Variants in DCC observed in about 807,000 individuals in gnomAD.
DCC encodes the protein DCC netrin 1 receptor.
Under a neutral mutation model 172.5 loss-of-function variants are expected in DCC, and 58 were observed. The observed-to-expected ratio is 0.34, with a 90% CI of 0.27 to 0.42. The LOEUF (loss-of-function observed/expected upper bound fraction) is 0.42. Ranked by LOEUF, DCC falls within the 10% of genes least tolerant of loss-of-function variation. The pLI, the probability that DCC is intolerant of heterozygous loss-of-function variation, is 1.00. For missense variants in DCC, 1,740 were observed against 1,791.0 expected (o/e 0.97, Z 0.51); for synonymous variants, 709 against 644.5 (o/e 1.10, Z -1.52).
rs560683902 is a variant in DCC at position 53,534,925 on chromosome 18, A to G, written c.*4272A>G. 9.2e-5 allele frequency: 14 copies of G among 152,254 alleles called. No homozygotes were observed. The East Asian group carries it at 2.3e-3, about 25-fold the overall frequency. 9.4% of individuals were successfully genotyped at this position (152,254 alleles called of 1,614,324 possible). On this transcript the variant is annotated 3_prime_UTR_variant, in exon 29 of 29. Transcript: ENST00000442544. ...CTTTTTTCTCTTACTCTCAATAGAG[A>G]GCCTTTGTACATTGTCATCCTATGA...
intron 7 of DCC, among the ~76,000 whole-genome samples, chr18:53,156,266 C>T (rs1157774043): frequency 1.3e-5 from 2 of 152,106 alleles, no homozygotes; most frequent in South Asian, 4.1e-4. Context: ...GGGTGGATCA[C>T]TTGAGGTCAG....
intron 3 of DCC, among the ~76,000 whole-genome samples, chr18:52,907,337 T>TATAC (rs2039902210): frequency 6.6e-6 from 1 of 150,380 alleles, no homozygotes. Context: ...CATATGGATA[T>TATAC]ATACATATAT....
At chr18:52,530,828 C>T (rs1011261754) in intron 1 of DCC, among the ~76,000 whole-genome samples, 2 of 152,134 alleles carry the variant, frequency 1.3e-5, no homozygotes, top group Non-Finnish European at 2.9e-5. Context: ...ATGAAAAATA[C>T]TGAGAGGCAA....
At chr18:52,715,090 A>G (rs1301220071) in intron 1 of DCC, among the ~76,000 whole-genome samples, 2 of 152,144 alleles carry the variant, frequency 1.3e-5, no homozygotes, top group African/African-American at 4.8e-5. Context: ...AAAAGCAATT[A>G]CAGAAAGTCC....
chr18:52,822,840 T>C (rs2038431616), intron 2 of DCC, among the ~76,000 whole-genome samples: 1 of 152,226 alleles, frequency 6.6e-6, no homozygotes, highest in Admixed American at 6.5e-5. Flanking sequence ...AATTATGACA[T>C]ATTTTTATAG....
At chr18:53,516,577 C>A (rs1466656783) in intron 27 of DCC, among the ~76,000 whole-genome samples, 2 of 151,406 alleles carry the variant, frequency 1.3e-5, no homozygotes, top group East Asian at 3.9e-4. Context: ...TATCCAGAAT[C>A]TACAATGAAT....
rs191206287 is a variant in DCC at position 53,442,617 on chromosome 18, C to T, written c.3229+7408C>T. Among the ~76,000 whole-genome samples, 361 of 152,254 alleles carry T rather than the reference C, an allele frequency of 2.4e-3. 5 individuals are homozygous for T. The highest frequency in any genetic ancestry group is 6.6e-4 in the Non-Finnish European group (45 of 68,012). On this transcript the variant is annotated intron_variant, in intron 22 of 28. Coordinates refer to ENST00000442544, the MANE Select transcript of DCC (RefSeq NM_005215.4). ...GGGTGGAAGGAAGAGTCACATGTCTCTCACTTTAAAATTCAAAAGCTGGAA... is the reference window on the plus strand; with the variant it reads ...GGGTGGAAGGAAGAGTCACATGTCTTTCACTTTAAAATTCAAAAGCTGGAA...
At chr18:52,891,075 T>A in intron 2 of DCC, among the ~76,000 whole-genome samples, 1 of 152,168 alleles carries the variant, frequency 6.6e-6, no homozygotes, top group South Asian at 2.1e-4. Context: ...ACAAGATAGC[T>A]TAGTTATAAG....
intron 1 of DCC, among the ~76,000 whole-genome samples, chr18:52,675,908 C>G (rs1002476765): frequency 3.3e-5 from 5 of 152,158 alleles, no homozygotes; most frequent in Non-Finnish European, 2.9e-5. Context: ...GGCCTGCCTC[C>G]CATTTCCAGC....
rs116094440 is a variant in DCC, at chr18:52,435,807, A to G, written c.91+94929A>G. 4.0e-3 allele frequency among the ~76,000 whole-genome samples: 603 copies of G among 152,238 alleles called. 5 individuals are homozygous for G. Among genetic ancestry groups the G allele is most frequent in the African/African-American group, 0.014 (576 of 41,558 alleles). On this transcript the variant is annotated intron_variant, in intron 1 of 28. Coordinates refer to ENST00000442544, the MANE Select transcript of DCC (RefSeq NM_005215.4). ...CTCCATTATAGACTCTCAGTTGATC[A>G]CTGTTCTTCTGCTTCTTCCCTGCAT...
At chr18:52,864,323 T>A (rs112937500) in intron 2 of DCC, among the ~76,000 whole-genome samples, 1 of 152,138 alleles carries the variant, frequency 6.6e-6, no homozygotes, top group African/African-American at 2.4e-5. Flanking sequence ...TAGAGGAAGA[T>A]TAAAAATGGA....
chr18:53,453,616 T>C (rs1295083899), intron 23 of DCC, among the ~76,000 whole-genome samples: 1 of 152,178 alleles, frequency 6.6e-6, no homozygotes, highest in Non-Finnish European at 1.5e-5. Context: ...AATTAGGCTA[T>C]CCAGTTGATT....
At chr18:52,816,807 A>G (rs1038644344) in intron 2 of DCC, 2 of 152,188 alleles carry the variant, frequency 1.3e-5, no homozygotes, top group Admixed American at 6.5e-5. Context: ...TTATTTTTAT[A>G]TGAGAGCCCT....
At chr18:52,437,106 G>A (rs1385547691) in intron 1 of DCC, among the ~76,000 whole-genome samples, 1 of 151,948 alleles carries the variant, frequency 6.6e-6, no homozygotes, top group Non-Finnish European at 1.5e-5. Context: ...TACTGTATAG[G>A]TATTCACAAT....
chr18:53,066,391 A>G (rs1292368638), intron 7 of DCC, among the ~76,000 whole-genome samples: 1 of 100,874 alleles, frequency 9.9e-6, no homozygotes, highest in Non-Finnish European at 2.1e-5. Flanking sequence ...ATATATATAT[A>G]TATATATGTG....
In DCC at chr18:52,536,261, G is replaced by A. The variant is rs2144693153; in HGVS notation, c.91+195383G>A. Among the ~76,000 whole-genome samples, 2 of 152,198 alleles carry A rather than the reference G, an allele frequency of 1.3e-5. 1 individual carries two copies. The highest frequency in any genetic ancestry group is 4.1e-4 in the South Asian group (2 of 4,824). On this transcript the variant is annotated intron_variant, in intron 1 of 28. Transcript: ENST00000442544. ...GGCTTTCCTAGAGGGGAAGTGAATA[G>A]ACCAACTTGGCACTTCAAGAACCAC... is the stretch of plus-strand genomic sequence containing the variant.
intron 1 of DCC, among the ~76,000 whole-genome samples, chr18:52,723,943 T>C (rs1368040912): frequency 6.6e-6 from 1 of 152,012 alleles, no homozygotes; most frequent in African/African-American, 2.4e-5. Context: ...AAACAACCAG[T>C]CTGTCAACAC....
chr18:53,052,701 T>C (rs529037825), intron 5 of DCC, among the ~76,000 whole-genome samples: 1 of 152,244 alleles, frequency 6.6e-6, no homozygotes, highest in South Asian at 2.1e-4. Flanking sequence ...TGGCTAGTAC[T>C]GTCTCCTACT....
At chr18:52,720,456 C>T (rs1240189643) in intron 1 of DCC, among the ~76,000 whole-genome samples, 1 of 152,178 alleles carries the variant, frequency 6.6e-6, no homozygotes, top group Non-Finnish European at 1.5e-5. Context: ...TCCGGAAGTG[C>T]TATCACACAG....
Sources: allele counts gnomAD v4.1 joint callset (sites outside exome capture counted in the v4.1 genomes callset), GRCh38; gene constraint gnomAD v4.1.1; transcripts MANE v1.5; gene names NCBI Gene and HGNC (gene_info 2026-07-23, HGNC 2026-07-21).